The following ZNF28 variants were observed in gnomAD, a reference collection of about 807,000 sequenced individuals.
ZNF28 encodes zinc finger protein 28, also known as zinc finger protein KOX24.
Under a neutral mutation model 7.2 loss-of-function variants are expected in ZNF28, and 5 were observed. The ratio of observed to expected loss-of-function variants is 0.70; its 90% CI spans 0.36 to 1.46. The LOEUF is 1.46. Among genes scored for constraint, ZNF28 ranks in the 40% most tolerant of loss-of-function variants. The probability of loss-of-function intolerance (pLI) is 0.03; values close to 1 mark genes in which losing one functional copy is unlikely to be tolerated. For synonymous variants in ZNF28, 288 were observed against 292.4 expected (o/e 0.99, Z 0.15); for missense variants, 879 against 866.6 (o/e 1.01, Z -0.18).
intron 3 of ZNF28, 102 bp from the exon 4 acceptor site, chr19:52,801,804 C>G (rs2062876019): frequency 3.6e-6 from 4 of 1,126,144 alleles, no homozygotes; most frequent in Non-Finnish European, 5.0e-6. Context: ...TTTTAAACTT[C>G]CCAAACATGA....
intron 2 of ZNF28, chr19:52,810,045 C>G: frequency 2.7e-6 from 2 of 738,020 alleles, no homozygotes; most frequent in Non-Finnish European, 4.9e-6. Flanking sequence ...GCTCCAGCCC[C>G]GCGCCCCATG....
At chr19:52,804,948 C>T (rs2062917586) in intron 3 of ZNF28, among the ~76,000 whole-genome samples, 1 of 152,092 alleles carries the variant, frequency 6.6e-6, no homozygotes, top group African/African-American at 2.4e-5. Flanking sequence ...TACTTGAAGC[C>T]ATCTAATAGC....
chr19:52,807,845 T>G, intron 3 of ZNF28, 162 bp downstream of exon 3: 1 of 1,195,300 alleles, frequency 8.4e-7, no homozygotes, highest in Non-Finnish European at 1.2e-6. Context: ...GCAGAACCTC[T>G]AAACAAAGGG....
chr19:52,809,819 CGAA>C (rs1457733163), intron 2 of ZNF28: 1 of 524,982 alleles, frequency 1.9e-6, no homozygotes. Flanking sequence ...GTCTGAGCGG[CGAA>C]GGCGGCGGCG....
chr19:52,815,623 G>A (rs1338008667), intron 2 of ZNF28, among the ~76,000 whole-genome samples: 1 of 146,530 alleles, frequency 6.8e-6, no homozygotes, highest in Non-Finnish European at 1.5e-5. Context: ...AGGAGATCGA[G>A]ACCATCCTGG....
At chr19:52,819,948 G>A (rs945443667) in intron 1 of ZNF28, among the ~76,000 whole-genome samples, 2 of 144,424 alleles carry the variant, frequency 1.4e-5, no homozygotes, top group African/African-American at 5.5e-5. Flanking sequence ...GTGGACAGCT[G>A]AGGTGGTTCA....
At chr19:52,817,372 C>CA (rs898968982) in intron 2 of ZNF28, among the ~76,000 whole-genome samples, 2 of 151,302 alleles carry the variant, frequency 1.3e-5, no homozygotes, top group African/African-American at 2.4e-5. Flanking sequence ...AACTCCGCTT[C>CA]AAAAAAAATA....
At position 52,801,273 on chromosome 19, in the gene ZNF28, T is replaced by C. The variant is rs759620036; in HGVS notation, c.572A>G (p.Lys191Arg). 4 of 1,614,228 alleles carry C rather than the reference T, an allele frequency of 2.5e-6. No homozygotes were observed. The highest frequency in any genetic ancestry group is 3.4e-6 in the Non-Finnish European group (4 of 1,180,030). ...CCRPKTHISN[K>R]YGNNSLHSSL... ...AGAATGGAGGGAATTATTTCCATAC[T>C]TATTAGAAATATGGGTTTTGGGCCT... Residue 191 changes from lysine to arginine, a missense_variant, in exon 4 of 4, where the codon AAG (lysine) becomes AGG (arginine). By Grantham distance (26) the Lys-to-Arg change is conservative. This residue lies in a region of ZNF28 where 864 missense variants were observed against 830.2 expected (regional missense o/e 1.04). Coordinates refer to ENST00000457749, the MANE Select transcript of ZNF28 (RefSeq NM_006969.5).
intron 2 of ZNF28, among the ~76,000 whole-genome samples, chr19:52,809,607 A>G (rs2062986778): frequency 6.6e-6 from 1 of 152,156 alleles, no homozygotes; most frequent in Admixed American, 6.6e-5. Context: ...AGAGTTCAAG[A>G]CCAGCATGGC....
chr19:52,814,625 G>A (rs1568659673), intron 2 of ZNF28, among the ~76,000 whole-genome samples: 1 of 144,814 alleles, frequency 6.9e-6, no homozygotes, highest in Non-Finnish European at 1.5e-5. Flanking sequence ...GGTGGCTCAC[G>A]CCTGTGATTT....
chr19:52,803,029 G>T (rs1600429663), intron 3 of ZNF28, among the ~76,000 whole-genome samples: 1 of 151,732 alleles, frequency 6.6e-6, no homozygotes, highest in East Asian at 1.9e-4. Flanking sequence ...CCAAAGTGCT[G>T]GGATTATAGG....
Position 52,801,217 on chromosome 19 carries a change from T to G in ZNF28, c.628A>C (p.Met210Leu), listed in dbSNP as rs761685595. 106 of 1,605,964 alleles carry G rather than the reference T, an allele frequency of 6.6e-5. 1 individual carries two copies. The Middle Eastern group carries it at 9.9e-4, about 15-fold the overall frequency. ...SLLTQKRNVH[M>L]REKSFQCIES... ...ATACATTGGAAAGATTTTTCTCTCA[T>G]GTGTACATTCCGTTTTTGTGTGAGT... Residue 210 changes from methionine (M) to leucine (L), a missense_variant, in exon 4 of 4, where the codon ATG becomes CTG. By Grantham distance (15) the Met-to-Leu change is conservative. Around this residue, in one of 2 missense-constraint regions of ZNF28, gnomAD observed 864 missense variants for 830.2 expected, o/e 1.04. Transcript: ENST00000457749.
At chr19:52,812,570 T>A (rs1204678896) in intron 2 of ZNF28, among the ~76,000 whole-genome samples, 4 of 125,090 alleles carry the variant, frequency 3.2e-5, no homozygotes, top group Non-Finnish European at 6.7e-5. Flanking sequence ...GAAGGCAGCA[T>A]GCTCCTTAAG....
chr19:52,800,424 T>TGG lies in ZNF28; in HGVS notation c.1420_1421insCC (p.Lys474ThrfsTer151). On this transcript the variant is annotated frameshift_variant, in exon 4 of 4. Coordinates refer to ENST00000457749, the MANE Select transcript of ZNF28 (RefSeq NM_006969.5). LOFTEE classifies it low-confidence loss of function (END_TRUNC). ...AAGGTGTGATTTGCACCTGAAAACT[T>TGG]TGTCACATTCTTCACATTTGTATGG... is the stretch of plus-strand genomic sequence containing the variant. The TGG allele has an allele frequency of 6.2e-7, 1 of 1,613,502 alleles. No homozygotes were observed. Among genetic ancestry groups the TGG allele is most frequent in the Non-Finnish European group, 8.5e-7 (1 of 1,179,728 alleles).
At position 52,800,006 on chromosome 19, in the gene ZNF28, G is replaced by A; in HGVS notation, c.1839C>T (p.Gly613=). The A allele has an allele frequency of 6.2e-7, 1 of 1,614,150 alleles. No homozygotes were observed. Among genetic ancestry groups the A allele is most frequent in the Non-Finnish European group, 8.5e-7 (1 of 1,180,008 alleles). ...GEKPYKCNEC[G]KTFRQTSSLI... ...GCGATGATGTCTGACGGAAGGTCTTGCCACACTCATTACACTTGTAAGGTT... is the reference window on the plus strand; with the variant it reads ...GCGATGATGTCTGACGGAAGGTCTTACCACACTCATTACACTTGTAAGGTT... Residue 613 remains glycine, a synonymous_variant, in exon 4 of 4, where the codon GGC becomes GGT. Coordinates refer to ENST00000457749, the MANE Select transcript of ZNF28 (RefSeq NM_006969.5).
At chr19:52,815,380 A>G in intron 2 of ZNF28, among the ~76,000 whole-genome samples, 1 of 144,824 alleles carries the variant, frequency 6.9e-6, no homozygotes, top group Admixed American at 7.0e-5. Context: ...AGCCAGGTAT[A>G]GTGGCAAGCA....
In ZNF28 at chr19:52,808,104, T is replaced by C. The variant is rs2062960270; in HGVS notation, c.45A>G (p.Ile15Met). The C allele has an allele frequency of 6.2e-7, 1 of 1,613,296 alleles. No homozygotes were observed. Among genetic ancestry groups the C allele is most frequent in the African/African-American group, 1.3e-5 (1 of 74,902 alleles). Residue 15 changes from isoleucine (I) to methionine (M), a missense_variant, in exon 3 of 4, where the codon ATA becomes ATG. Physicochemically the swap from Ile to Met is conservative, Grantham distance 10. Transcript: ENST00000457749. ...QGLLTFRDVA[I>M]EFSQEEWKCL... ...ATTTCCACTCCTCCTGAGAGAATTC[T>C]ATGGCCACGTCCCTGAATGTCAATA...
At chr19:52,820,216 C>T (rs1377818071) in intron 1 of ZNF28, among the ~76,000 whole-genome samples, 1 of 136,318 alleles carries the variant, frequency 7.3e-6, no homozygotes, top group Non-Finnish European at 1.5e-5. Flanking sequence ...TTCCCGGGTT[C>T]ACGCCATTCT....
chr19:52,820,555 C>T (rs185851903), intron 1 of ZNF28, among the ~76,000 whole-genome samples: 45 of 152,042 alleles, frequency 3.0e-4, no homozygotes, highest in African/African-American at 6.8e-4. Context: ...CCCAGTCTGG[C>T]ACCCCAGATC....
Sources: gnomAD v4.1 joint callset for allele counts (sites outside exome capture counted in the v4.1 genomes callset) on GRCh38, gnomAD v4.1.1 for gene constraint, gnomAD v4.1.1 regional missense constraint, MANE v1.5 for transcripts, NCBI Gene and HGNC (gene_info 2026-07-23, HGNC 2026-07-21) for gene names.